The following RIT2 variants were observed in gnomAD, a reference collection of about 807,000 sequenced individuals.
The protein encoded by RIT2 is Ras like without CAAX 2, also known as GTP-binding protein Rit2.
A neutral mutation model predicts 23.7 loss-of-function variants in RIT2; 24 were observed. The observed-to-expected ratio is 1.01, with a 90% confidence interval of 0.73 to 1.43. RIT2 has a LOEUF of 1.43. RIT2 is among the 40% of genes most tolerant of loss of function. The pLI, the probability that RIT2 is intolerant of heterozygous loss-of-function variation, is 0.00. For missense variants in RIT2, 236 were observed against 266.9 expected (o/e 0.88, Z 0.81); for synonymous variants, 107 against 91.1 (o/e 1.17, Z -0.99).
At chr18:43,066,965 T>C (rs1373935655) in intron 1 of RIT2, among the ~76,000 whole-genome samples, 3 of 151,194 alleles carry the variant, frequency 2.0e-5, no homozygotes, top group Admixed American at 1.3e-4. Flanking sequence ...GTTGATTTTG[T>C]CTTTAAGCAA....
intron 4 of RIT2, among the ~76,000 whole-genome samples, chr18:42,878,355 A>C (rs935011695): frequency 6.6e-6 from 1 of 151,870 alleles, no homozygotes; most frequent in Non-Finnish European, 1.5e-5. Context: ...TTAAATAATC[A>C]AAAAAGGAGA....
At chr18:43,041,834 T>C (rs553169701) in intron 1 of RIT2, among the ~76,000 whole-genome samples, 92 of 152,196 alleles carry the variant, frequency 6.0e-4, no homozygotes, top group African/African-American at 2.1e-3. Flanking sequence ...ATATTATATA[T>C]CACCCTCCTT....
At chr18:43,015,563 T>A (rs1911455286) in intron 2 of RIT2, among the ~76,000 whole-genome samples, 1 of 151,732 alleles carries the variant, frequency 6.6e-6, no homozygotes, top group African/African-American at 2.4e-5. Context: ...AGATAGCAAA[T>A]AAAAACATGA....
intron 4 of RIT2, among the ~76,000 whole-genome samples, chr18:42,824,895 C>T (rs1349872113): frequency 6.6e-6 from 1 of 151,704 alleles, no homozygotes; most frequent in Non-Finnish European, 1.5e-5. Flanking sequence ...TTATTCTATG[C>T]CTGATAAAAG....
intron 4 of RIT2, among the ~76,000 whole-genome samples, chr18:42,765,372 C>G (rs1913397201): frequency 6.6e-6 from 1 of 152,106 alleles, no homozygotes. Context: ...ACAGCCTGTC[C>G]TCATGAAAAA....
intron 2 of RIT2, among the ~76,000 whole-genome samples, chr18:43,019,434 A>G (rs575417195): frequency 2.0e-5 from 3 of 152,076 alleles, no homozygotes; most frequent in Non-Finnish European, 4.4e-5. Context: ...AAGGAGAAAA[A>G]TTATATGATT....
At chr18:42,896,604 C>T (rs1218570911) in intron 4 of RIT2, among the ~76,000 whole-genome samples, 1 of 152,170 alleles carries the variant, frequency 6.6e-6, no homozygotes, top group Non-Finnish European at 1.5e-5. Context: ...AAAATGTTTT[C>T]TGTCTTATAG....
At chr18:42,828,329 C>A (rs1906362045) in intron 4 of RIT2, among the ~76,000 whole-genome samples, 2 of 152,148 alleles carry the variant, frequency 1.3e-5, no homozygotes, top group African/African-American at 2.4e-5. Context: ...AGTTGAGTAA[C>A]AATAGAATAT....
At chr18:42,770,968 T>C (rs895187621) in intron 4 of RIT2, among the ~76,000 whole-genome samples, 1 of 152,138 alleles carries the variant, frequency 6.6e-6, no homozygotes, top group Admixed American at 6.6e-5. Context: ...TTTTTCTATT[T>C]TATGGAAGAA....
chr18:43,101,057 A>G (rs533082466), intron 1 of RIT2, among the ~76,000 whole-genome samples: 4 of 151,586 alleles, frequency 2.6e-5, no homozygotes, highest in South Asian at 2.1e-4. Context: ...ATGTGTGTGT[A>G]TATATATATA....
rs145574369 is a variant in RIT2 at position 43,093,136 on chromosome 18, G to A, written c.103+22281C>T. 2.3e-3 allele frequency among the ~76,000 whole-genome samples: 343 copies of A among 152,104 alleles called. 1 individual carries two copies. The highest frequency in any genetic ancestry group is 8.0e-3 in the African/African-American group (332 of 41,458). On this transcript the variant is annotated intron_variant, in intron 1 of 4. Coordinates refer to ENST00000326695, the MANE Select transcript of RIT2 (RefSeq NM_002930.4). The stretch of plus-strand genomic sequence containing the variant: ...AAAAAGAATATGTGAGTAAGTGGGA[G>A]AATTTATTTAAGAGCTGGAAAACAT...
intron 3 of RIT2, among the ~76,000 whole-genome samples, chr18:42,925,343 A>T (rs1909153874): frequency 2.0e-5 from 3 of 152,048 alleles, no homozygotes; most frequent in African/African-American, 4.8e-5. Flanking sequence ...GGACTTGACT[A>T]GAGAAGTATG....
chr18:43,018,209 A>G (rs1250359020), intron 2 of RIT2, among the ~76,000 whole-genome samples: 4 of 152,020 alleles, frequency 2.6e-5, no homozygotes, highest in Non-Finnish European at 4.4e-5. Flanking sequence ...GTAGCCACAG[A>G]TGTTTCTGGC....
In RIT2 at chr18:42,927,094, T is replaced by C. The variant is rs561790128; in HGVS notation, c.235-3331A>G. On this transcript the variant is annotated intron_variant, in intron 3 of 4. Transcript: ENST00000326695. The stretch of plus-strand genomic sequence containing the variant: ...ATACAATACAAATCAAGCCTATTAT[T>C]ATCTCTGGTACAAATCTGGCAGAAT... 2.6e-5 allele frequency among the ~76,000 whole-genome samples: 4 copies of C among 152,108 alleles called. No individual in the cohort carries two copies. The East Asian group carries it at 7.7e-4, about 29-fold the overall frequency.
chr18:42,784,769 AC>A (rs906274092), intron 4 of RIT2, among the ~76,000 whole-genome samples: 8 of 152,086 alleles, frequency 5.3e-5, no homozygotes, highest in Non-Finnish European at 1.0e-4. Context: ...CCTTTGAATT[AC>A]CCTAGCATTC....
intron 4 of RIT2, among the ~76,000 whole-genome samples, chr18:42,831,998 C>A (rs1390456881): frequency 6.6e-6 from 1 of 152,136 alleles, no homozygotes; most frequent in South Asian, 2.1e-4. Flanking sequence ...TACAAACATC[C>A]ACACAGACCC....
At chr18:42,934,567 T>C (rs1397913457) in intron 3 of RIT2, among the ~76,000 whole-genome samples, 1 of 152,162 alleles carries the variant, frequency 6.6e-6, no homozygotes, top group Non-Finnish European at 1.5e-5. Flanking sequence ...TTAATAGTTT[T>C]TTCAAATTGT....
At chr18:43,026,093 A>C (rs1337265576) in intron 2 of RIT2, among the ~76,000 whole-genome samples, 3 of 152,150 alleles carry the variant, frequency 2.0e-5, no homozygotes, top group Non-Finnish European at 4.4e-5. Flanking sequence ...CTTCTGGCTC[A>C]GATCAAGATG....
At chr18:42,870,898 C>A (rs1907605412) in intron 4 of RIT2, among the ~76,000 whole-genome samples, 1 of 152,152 alleles carries the variant, frequency 6.6e-6, no homozygotes, top group South Asian at 2.1e-4. Flanking sequence ...CGTTTCAAGT[C>A]CTTAACAGCT....
Sources: allele counts gnomAD v4.1 joint callset (sites outside exome capture counted in the v4.1 genomes callset), GRCh38; gene constraint gnomAD v4.1.1; transcripts MANE v1.5; gene names NCBI Gene and HGNC (gene_info 2026-07-23, HGNC 2026-07-21).